Variants in TANC2 observed in about 807,000 individuals in gnomAD.
The protein encoded by TANC2 is tetratricopeptide repeat, ankyrin repeat and coiled-coil containing 2, also known as protein TANC2.
In TANC2, 26 loss-of-function variants were observed where a neutral mutation model predicts 210.5. The observed-to-expected ratio is 0.12, with a 90% CI of 0.09 to 0.17. The LOEUF is 0.17. Ranked by LOEUF, TANC2 falls within the 10% of genes least tolerant of loss-of-function variation. TANC2 has a pLI of 1.00. For missense variants in TANC2, 2,129 were observed against 2,608.9 expected, an observed-to-expected ratio of 0.82 and a Z score of 4.01; for synonymous variants, 931 against 967.1, an observed-to-expected ratio of 0.96 and a Z score of 0.69.
At chr17:63,188,587 A>C (rs1288710866) in intron 5 of TANC2, among the ~76,000 whole-genome samples, 2 of 132,904 alleles carry the variant, frequency 1.5e-5, no homozygotes, top group African/African-American at 6.1e-5. Flanking sequence ...GACTCTGTCC[A>C]AAAAAAAAAA....
intron 17 of TANC2, chr17:63,391,476 G>A (rs1288807448): frequency 6.6e-6 from 1 of 152,150 alleles, no homozygotes; most frequent in Non-Finnish European, 1.5e-5. Flanking sequence ...TCTATAAAAA[G>A]GGTGTTAAAA....
At chr17:63,146,278 T>A (rs190273966) in intron 4 of TANC2, among the ~76,000 whole-genome samples, 2 of 152,284 alleles carry the variant, frequency 1.3e-5, no homozygotes, top group African/African-American at 4.8e-5. Context: ...TTTACCGAAT[T>A]TATTAGTTCC....
chr17:63,418,286 G>A lies in TANC2; in HGVS notation c.4168-21G>A. The A allele has an allele frequency of 6.2e-7, 1 of 1,604,392 alleles. No individual in the cohort carries two copies. Among genetic ancestry groups the A allele is most frequent in the East Asian group, 2.2e-5 (1 of 44,794 alleles). ...TTTATATCTCATCAATGACTCATTTGCACACCTATTGTAATGACAGGATTT... is the reference window on the plus strand; with the variant it reads ...TTTATATCTCATCAATGACTCATTTACACACCTATTGTAATGACAGGATTT... On this transcript the variant is annotated intron_variant, in intron 26 of 27. Coordinates refer to ENST00000689528, the Ensembl canonical transcript of TANC2. This position sits in a 1 kb window ranked among gnomAD's most constrained non-coding sequence, Gnocchi z 4.6.
Position 63,412,246 on chromosome 17 carries a change from C to T in TANC2, c.3898+116C>T. On this transcript the variant is annotated intron_variant, in intron 23 of 27. Transcript: ENST00000689528. The surrounding 1 kb of genome is among the most constrained non-coding windows in gnomAD (Gnocchi z 4.2). The stretch of plus-strand genomic sequence containing the variant: ...ATATAGTTCCCCCTCCTCCCTGGCC[C>T]AATTATTGTCCAAGTGAACAGAGAG... 7.1e-7 allele frequency: 1 copy of T among 1,406,676 alleles called. No individual in the cohort carries two copies. The highest frequency in any genetic ancestry group is 9.7e-7 in the Non-Finnish European group (1 of 1,033,862). The allele number at this position is 1,406,676 out of a possible 1,614,324, so 87.1% of individuals were successfully genotyped here.
intron 2 of TANC2, among the ~76,000 whole-genome samples, chr17:63,015,313 A>ATATT (rs567014330): frequency 2.6e-5 from 4 of 151,880 alleles, no homozygotes; most frequent in African/African-American, 9.7e-5. Context: ...TTAAAATAAG[A>ATATT]TATTTATTTA....
At chr17:63,077,703 TGTC>T (rs2036620258) in intron 3 of TANC2, among the ~76,000 whole-genome samples, 1 of 152,174 alleles carries the variant, frequency 6.6e-6, no homozygotes, top group African/African-American at 2.4e-5. Flanking sequence ...GTTAGAATAA[TGTC>T]GTCAGTTCTT....
intron 1 of TANC2, among the ~76,000 whole-genome samples, chr17:63,000,238 A>C (rs2033312571): frequency 1.3e-5 from 2 of 151,866 alleles, no homozygotes; most frequent in African/African-American, 4.9e-5. Flanking sequence ...AAGTTAAAAT[A>C]AAAAGCTGGC....
At chr17:63,211,026 A>G (rs1329026938) in intron 7 of TANC2, among the ~76,000 whole-genome samples, 1 of 151,962 alleles carries the variant, frequency 6.6e-6, no homozygotes, top group East Asian at 1.9e-4. Flanking sequence ...TCATCCCTGT[A>G]TTTTATTTTC....
At chr17:63,411,190 C>T (rs896836734) in intron 21 of TANC2, among the ~76,000 whole-genome samples, 1 of 151,942 alleles carries the variant, frequency 6.6e-6, no homozygotes, top group African/African-American at 2.4e-5. Flanking sequence ...ACGGGAGATC[C>T]GAGAGGCAGT....
intron 8 of TANC2, among the ~76,000 whole-genome samples, chr17:63,241,352 T>A (rs1255366310): frequency 6.6e-6 from 1 of 152,232 alleles, no homozygotes; most frequent in Non-Finnish European, 1.5e-5. Context: ...TTTCAGTGGT[T>A]AATCAGAAGC....
At chr17:63,230,376 G>A (rs1275672421) in intron 7 of TANC2, among the ~76,000 whole-genome samples, 1 of 151,988 alleles carries the variant, frequency 6.6e-6, no homozygotes, top group Admixed American at 6.6e-5. Flanking sequence ...TGTGATGTTA[G>A]GGTATCGATT....
At chr17:62,969,692 A>AGTGTGTGT (rs143764403) in intron 1 of TANC2, among the ~76,000 whole-genome samples, 4 of 149,874 alleles carry the variant, frequency 2.7e-5, no homozygotes, top group Non-Finnish European at 5.9e-5. Context: ...AGTTTAATAT[A>AGTGTGTGT]GTGTGTGTGT....
At chr17:63,397,664 G>A (rs1293933823) in intron 18 of TANC2, among the ~76,000 whole-genome samples, 2 of 152,164 alleles carry the variant, frequency 1.3e-5, no homozygotes, top group East Asian at 3.8e-4. Context: ...ACAAAGAGGG[G>A]AGGAGAAGCA....
intron 2 of TANC2, among the ~76,000 whole-genome samples, chr17:63,060,546 G>T (rs1432666439): frequency 2.0e-5 from 3 of 152,158 alleles, no homozygotes; most frequent in Non-Finnish European, 4.4e-5. Flanking sequence ...ACTTGCACCA[G>T]GAGGCAGAGG....
intron 2 of TANC2, among the ~76,000 whole-genome samples, chr17:63,025,406 T>TA (rs2144059564): frequency 6.6e-6 from 1 of 152,120 alleles, no homozygotes; most frequent in East Asian, 1.9e-4. Context: ...TGGAGATGGG[T>TA]AAGTAGGGAG....
Position 63,401,308 on chromosome 17 carries a change from G to A in TANC2, c.3331+2394G>A, listed in dbSNP as rs115947367. Among the ~76,000 whole-genome samples, 1,061 of 152,280 alleles carry A rather than the reference G, an allele frequency of 7.0e-3. 12 individuals carry two copies. The highest frequency in any genetic ancestry group is 0.024 in the African/African-American group (1,006 of 41,552). ...TTAACCTAAGGAAAATACAATGGTC[G>A]TGATGTTTCCTATAATATGTATCAC... On this transcript the variant is annotated intron_variant, in intron 19 of 27. Coordinates refer to ENST00000689528, the Ensembl canonical transcript of TANC2.
At chr17:63,253,119 C>A (rs1047532649) in intron 8 of TANC2, among the ~76,000 whole-genome samples, 6 of 152,286 alleles carry the variant, frequency 3.9e-5, no homozygotes, top group Admixed American at 3.3e-4. Flanking sequence ...TCTTTGCCAG[C>A]ATTCATTATT....
chr17:63,009,702 G>A (rs965691345), intron 2 of TANC2, 76 bp downstream of exon 2: 24 of 1,245,498 alleles, frequency 1.9e-5, no homozygotes, highest in Admixed American at 1.5e-4. Context: ...AATTAATGCT[G>A]TAACACTTTA....
At position 63,224,250 on chromosome 17, in the gene TANC2, A is replaced by ATTT. The variant is rs768863390; in HGVS notation, c.770-13547_770-13545dup. Reference sequence around the variant, plus strand: ...CCTGGTTGCTCTCCCAGACTTGCTGATTTTTTTTTTTTTTTTTTTGAGACG... The same window carrying ATTT: ...CCTGGTTGCTCTCCCAGACTTGCTGATTTTTTTTTTTTTTTTTTTTTTGAGACG... On this transcript the variant is annotated intron_variant, in intron 7 of 27. Coordinates refer to ENST00000689528, the Ensembl canonical transcript of TANC2. Among the ~76,000 whole-genome samples, 10 of 130,312 alleles carry ATTT rather than the reference A, an allele frequency of 7.7e-5. No homozygotes were observed. The East Asian group carries it at 8.8e-4, about 11-fold the overall frequency. The allele number at this position is 130,312 out of a possible 152,430, so 85.5% of individuals were successfully genotyped here.
Sources: allele counts gnomAD v4.1 joint callset (sites outside exome capture counted in the v4.1 genomes callset), GRCh38; gene constraint gnomAD v4.1.1; non-coding constraint Gnocchi (gnomAD v3.1); transcripts MANE v1.5; gene names NCBI Gene and HGNC (gene_info 2026-07-23, HGNC 2026-07-21).